The following SEMA5B variants were observed in gnomAD, a reference collection of about 807,000 sequenced individuals.
SEMA5B encodes semaphorin-5B.
SEMA5B carries 66 observed loss-of-function variants against 135.0 expected under a neutral mutation model. That is an observed-to-expected ratio of 0.49 (90% CI 0.40 to 0.60). The LOEUF (loss-of-function observed/expected upper bound fraction) is 0.60. SEMA5B is among the 20% of genes least tolerant of loss of function. The probability of loss-of-function intolerance (pLI) is 0.00; values close to 1 mark genes in which losing one functional copy is unlikely to be tolerated. For synonymous variants in SEMA5B, 690 were observed against 639.5 expected (o/e 1.08, Z -1.19); for missense variants, 1,501 against 1,566.3 (o/e 0.96, Z 0.70).
At chr3:122,939,547 G>T in intron 4 of SEMA5B, 77 bp from the exon 5 acceptor site, 1 of 1,166,756 alleles carries the variant, frequency 8.6e-7, no homozygotes, top group Non-Finnish European at 1.3e-6. Context: ...CCTGGCTTGG[G>T]CCTCCTGGGA....
chr3:122,946,034 TA>T (rs961376389), intron 3 of SEMA5B, among the ~76,000 whole-genome samples: 3 of 152,136 alleles, frequency 2.0e-5, no homozygotes, highest in African/African-American at 7.2e-5. Context: ...AGGCTGTCTT[TA>T]AAACACCAAG....
chr3:123,014,110 G>C (rs1004302391), intron 1 of SEMA5B, among the ~76,000 whole-genome samples: 3 of 152,234 alleles, frequency 2.0e-5, no homozygotes, highest in African/African-American at 7.2e-5. Flanking sequence ...AACAGCTGTA[G>C]ATTCCTGATC....
chr3:122,996,804 G>A (rs967410207), intron 1 of SEMA5B, among the ~76,000 whole-genome samples: 2 of 152,272 alleles, frequency 1.3e-5, no homozygotes, highest in South Asian at 2.1e-4. Flanking sequence ...AAGGCAGCCC[G>A]AGTAGCGTTC....
At chr3:123,001,860 A>G (rs16833766) in intron 1 of SEMA5B, among the ~76,000 whole-genome samples, 9,933 of 152,218 alleles carry the variant, frequency 0.065, 400 homozygotes, top group East Asian at 0.16. Context: ...TAAATTCTAC[A>G]CGATAAGGTG....
At chr3:123,027,059 G>T in intron 1 of SEMA5B, 1 of 152,886 alleles carries the variant, frequency 6.5e-6, no homozygotes, top group Non-Finnish European at 1.5e-5. Flanking sequence ...CCTCAGTGCT[G>T]TTTACTAGCC....
chr3:123,011,676 G>A (rs1228957317), intron 1 of SEMA5B, among the ~76,000 whole-genome samples: 1 of 152,156 alleles, frequency 6.6e-6, no homozygotes, highest in Non-Finnish European at 1.5e-5. Context: ...CAGGACACAC[G>A]CTCCTAACAG....
intron 1 of SEMA5B, among the ~76,000 whole-genome samples, chr3:122,991,824 A>T (rs1941886311): frequency 6.6e-6 from 1 of 152,174 alleles, no homozygotes; most frequent in South Asian, 2.1e-4. Flanking sequence ...ATCTTGTCGA[A>T]ACATACTCAT....
chr3:122,925,966 A>T (rs556865251), intron 9 of SEMA5B, among the ~76,000 whole-genome samples: 1 of 152,244 alleles, frequency 6.6e-6, no homozygotes, highest in East Asian at 1.9e-4. Flanking sequence ...TCTAGATGGG[A>T]GGTGATGGCA....
At chr3:122,996,914 A>G (rs1207291729) in intron 1 of SEMA5B, among the ~76,000 whole-genome samples, 1 of 152,124 alleles carries the variant, frequency 6.6e-6, no homozygotes, top group East Asian at 1.9e-4. Flanking sequence ...AAGGGGTGCA[A>G]ACAGCCTCGC....
intron 1 of SEMA5B, among the ~76,000 whole-genome samples, chr3:122,970,324 C>T (rs1006833996): frequency 6.6e-6 from 1 of 152,234 alleles, no homozygotes; most frequent in South Asian, 2.1e-4. Flanking sequence ...TCTCCAGCCT[C>T]GTGGTTCTCA....
At chr3:122,951,883 G>A (rs1940062236) in intron 2 of SEMA5B, among the ~76,000 whole-genome samples, 1 of 152,184 alleles carries the variant, frequency 6.6e-6, no homozygotes, top group African/African-American at 2.4e-5. Flanking sequence ...CTCCAGGTCT[G>A]GAAAATTACA....
In SEMA5B at chr3:122,929,071, C is replaced by G; in HGVS notation, c.475-13G>C. ...CCCACTCTGTGGCCTGGGGGAGGAA[C>G]ATAGGAGCACACAGACATCACATGG... is the stretch of plus-strand genomic sequence containing the variant. On this transcript the variant is annotated splice_polypyrimidine_tract_variant and intron_variant, in intron 5 of 22. Coordinates refer to ENST00000357599, the MANE Select transcript of SEMA5B (RefSeq NM_001031702.4). 6.2e-7 allele frequency: 1 copy of G among 1,610,100 alleles called. No homozygotes were observed. Among genetic ancestry groups the G allele is most frequent in the East Asian group, 2.2e-5 (1 of 44,866 alleles).
chr3:122,938,856 C>T lies in SEMA5B; in HGVS notation c.474+569G>A, dbSNP rs937429608. Among the ~76,000 whole-genome samples the T allele has an allele frequency of 4.6e-5, 7 of 152,352 alleles. No homozygotes were observed. The South Asian group carries it at 6.2e-4, about 14-fold the overall frequency. On this transcript the variant is annotated intron_variant, in intron 5 of 22. Coordinates refer to ENST00000357599, the MANE Select transcript of SEMA5B (RefSeq NM_001031702.4). ...TCTGGACCAAGGAGTCCCATTAAAA[C>T]GCCTCTCAGAGCACTTAGGGAATTA...
At chr3:123,022,417 G>A (rs1236724249) in intron 1 of SEMA5B, among the ~76,000 whole-genome samples, 3 of 152,166 alleles carry the variant, frequency 2.0e-5, no homozygotes, top group Non-Finnish European at 4.4e-5. Context: ...CTTATTAAAC[G>A]CAGAACAATG....
At chr3:123,016,267 T>G (rs1293036537) in intron 1 of SEMA5B, among the ~76,000 whole-genome samples, 1 of 152,160 alleles carries the variant, frequency 6.6e-6, no homozygotes, top group Admixed American at 6.5e-5. Flanking sequence ...CAGTATTCTG[T>G]AGGAAAGGCA....
At chr3:122,987,204 A>G (rs1175223455) in intron 1 of SEMA5B, among the ~76,000 whole-genome samples, 1 of 152,132 alleles carries the variant, frequency 6.6e-6, no homozygotes, top group Non-Finnish European at 1.5e-5. Context: ...TGGAGAGGGT[A>G]AAGTCCTGGG....
intron 1 of SEMA5B, among the ~76,000 whole-genome samples, chr3:122,969,553 C>G (rs1015229513): frequency 6.6e-6 from 1 of 152,222 alleles, no homozygotes; most frequent in African/African-American, 2.4e-5. Flanking sequence ...TCGTAATTCT[C>G]TATTCCAGTG....
At chr3:122,922,184 C>T in intron 11 of SEMA5B, 56 bp downstream of exon 11, 1 of 1,570,648 alleles carries the variant, frequency 6.4e-7, no homozygotes, top group Admixed American at 1.8e-5. Flanking sequence ...TGCAGCCCCG[C>T]GCCGTCCCTC....
chr3:122,911,920 C>T lies in SEMA5B; in HGVS notation c.3046G>A (p.Val1016Ile), dbSNP rs375573205. The change falls in exon 20 of 23, where the codon GTC (valine) becomes ATC (isoleucine). Residue 1016 changes from valine to isoleucine, a missense_variant and splice_region_variant. Transcript: ENST00000357599. ...CGCAGGTGCTGGCAGGGGTACCTAC[C>T]GGGAATCTCGCTGTAGGGGCAGGGG... ...SRPCPYSEIP[V>I]ILPASSMEEA... The T allele has an allele frequency of 3.8e-6, 6 of 1,594,236 alleles. No homozygotes were observed. The African/African-American group carries it at 8.0e-5, about 21-fold the overall frequency.
Sources: allele counts gnomAD v4.1 joint callset (sites outside exome capture counted in the v4.1 genomes callset), GRCh38; gene constraint gnomAD v4.1.1; transcripts MANE v1.5; gene names NCBI Gene and HGNC (gene_info 2026-07-23, HGNC 2026-07-21).